Variants in CEACAM3 observed in about 807,000 individuals in gnomAD.
CEACAM3 encodes the protein cell adhesion molecule CEACAM3.
CEACAM3 carries 32 observed loss-of-function variants against 30.1 expected under a neutral mutation model. The ratio of observed to expected loss-of-function variants is 1.06; its 90% CI spans 0.80 to 1.43. The LOEUF is 1.43. CEACAM3 is among the 40% of genes most tolerant of loss of function. The pLI, the probability that CEACAM3 is intolerant of heterozygous loss-of-function variation, is 0.00. For synonymous variants in CEACAM3, 134 were observed against 127.2 expected (o/e 1.05, Z -0.36); for missense variants, 290 against 316.3 (o/e 0.92, Z 0.63).
At position 41,810,007 on chromosome 19, in the gene CEACAM3, C is replaced by T. The variant is rs1555827350; in HGVS notation, c.585C>T (p.Ala195=). 4 of 1,613,952 alleles carry T rather than the reference C, an allele frequency of 2.5e-6. No homozygotes were observed. Among genetic ancestry groups the T allele is most frequent in the Admixed American group, 1.7e-5 (1 of 60,012 alleles). Residue 195 remains alanine (A), a synonymous_variant, in exon 4 of 7, where the codon GCC becomes GCT. Transcript: ENST00000357396. The part of the protein sequence containing the change: ...QRDLKEQQPQ[A]LAPGRGPSHS... ...ACCTCAAGGAGCAGCAGCCCCAAGC[C>T]CTTGCCCCTGGTGAGTGTCCTCTCA...
chr19:41,811,276 C>G lies in CEACAM3; in HGVS notation c.*39C>G. ...CTGCTCCTGTGTGTTGATGGAGAGT[C>G]CCCAAGGCCCCCAGCCCTGGGGATG... On this transcript the variant is annotated 3_prime_UTR_variant, in exon 7 of 7. Coordinates refer to ENST00000357396, the MANE Select transcript of CEACAM3 (RefSeq NM_001815.5). 1 of 1,550,554 alleles carries G rather than the reference C, an allele frequency of 6.4e-7. No homozygotes were observed. The highest frequency in any genetic ancestry group is 8.9e-7 in the Non-Finnish European group (1 of 1,124,152).
intron 2 of CEACAM3, among the ~76,000 whole-genome samples, chr19:41,807,976 A>T (rs182797070): frequency 6.6e-6 from 1 of 152,214 alleles, no homozygotes; most frequent in Non-Finnish European, 1.5e-5. Context: ...TGCCTCGCCC[A>T]TAACTCAGCC....
chr19:41,811,542 A>C lies in CEACAM3; in HGVS notation c.*305A>C. ...CTTGGAAAGGATCTGAATAAAGGGG[A>C]CCCTTCCTCTCATTAGCTGTTTTTC... On this transcript the variant is annotated 3_prime_UTR_variant, in exon 7 of 7. Coordinates refer to ENST00000357396, the MANE Select transcript of CEACAM3 (RefSeq NM_001815.5). 2.9e-6 allele frequency: 1 copy of C among 349,760 alleles called. No homozygotes were observed. The highest frequency in any genetic ancestry group is 5.4e-6 in the Non-Finnish European group (1 of 186,102). 21.7% of individuals were successfully genotyped at this position (349,760 alleles called of 1,614,324 possible).
intron 2 of CEACAM3, among the ~76,000 whole-genome samples, chr19:41,803,509 C>A (rs1279973197): frequency 6.9e-6 from 1 of 145,688 alleles, no homozygotes; most frequent in African/African-American, 2.5e-5. Flanking sequence ...CTCTGTACCC[C>A]AGGCTGGAGT....
chr19:41,810,144 A>G, intron 4 of CEACAM3, 127 bp downstream of exon 4: 3 of 1,301,258 alleles, frequency 2.3e-6, no homozygotes, highest in Non-Finnish European at 3.3e-6. Flanking sequence ...ATCTCATAAA[A>G]CATCACACAG....
chr19:41,800,310 G>A (rs527662471), intron 2 of CEACAM3, among the ~76,000 whole-genome samples: 1 of 152,314 alleles, frequency 6.6e-6, no homozygotes, highest in African/African-American at 2.4e-5. Flanking sequence ...TGGTCTAGCG[G>A]TGACACTAGC....
chr19:41,804,160 A>G (rs1447099888), intron 2 of CEACAM3, among the ~76,000 whole-genome samples: 1 of 152,112 alleles, frequency 6.6e-6, no homozygotes, highest in Non-Finnish European at 1.5e-5. Flanking sequence ...TGACAATGGC[A>G]TATTTTATAT....
intron 2 of CEACAM3, among the ~76,000 whole-genome samples, chr19:41,800,429 C>T (rs1033771852): frequency 6.6e-6 from 1 of 151,922 alleles, no homozygotes; most frequent in African/African-American, 2.4e-5. Flanking sequence ...TCCCTTTCCC[C>T]GGGAGAGTTT....
At chr19:41,804,347 C>T (rs1318211549) in intron 2 of CEACAM3, among the ~76,000 whole-genome samples, 2 of 152,012 alleles carry the variant, frequency 1.3e-5, no homozygotes, top group African/African-American at 2.4e-5. Context: ...CACCAGCCAC[C>T]GGCATCTCAC....
intron 2 of CEACAM3, among the ~76,000 whole-genome samples, chr19:41,802,718 T>C (rs2073162113): frequency 6.6e-6 from 1 of 152,164 alleles, no homozygotes; most frequent in African/African-American, 2.4e-5. Context: ...AAGGAATTAT[T>C]TGGAAAGATC....
At chr19:41,810,465 A>C in intron 5 of CEACAM3, 111 bp downstream of exon 5, 13 of 1,222,876 alleles carry the variant, frequency 1.1e-5, no homozygotes, top group African/African-American at 1.5e-5. Context: ...CCCCCAAAAC[A>C]CACAGGACAA....
At position 41,811,437 on chromosome 19, in the gene CEACAM3, T is replaced by A; in HGVS notation, c.*200T>A. 1 of 586,568 alleles carries A rather than the reference T, an allele frequency of 1.7e-6. No homozygotes were observed. The highest frequency in any genetic ancestry group is 3.0e-6 in the Non-Finnish European group (1 of 328,092). The allele number at this position is 586,568 out of a possible 1,614,324, so 36.3% of individuals were successfully genotyped here. On this transcript the variant is annotated 3_prime_UTR_variant, in exon 7 of 7. Coordinates refer to ENST00000357396, the MANE Select transcript of CEACAM3 (RefSeq NM_001815.5). The stretch of plus-strand genomic sequence containing the variant: ...CAGCCTGCCCTAGGCCCTGGGTGGG[T>A]CAGGACAAAGGCCTCTCATCACCGC...
chr19:41,803,426 ATGTG>A (rs1164324050), intron 2 of CEACAM3, among the ~76,000 whole-genome samples: 118 of 128,986 alleles, frequency 9.1e-4, no homozygotes, highest in South Asian at 1.6e-3. Flanking sequence ...TTGTGTGTGT[ATGTG>A]TGTGTGTGTG....
chr19:41,808,847 C>G lies in CEACAM3; in HGVS notation c.459C>G (p.Val153=). The change falls in exon 3 of 7, where the codon GTC becomes GTG. Residue 153 remains valine, a synonymous_variant. Transcript: ENST00000357396. ...CCCCAGGCCTTCCTGTGGGGGCCGT[C>G]GCCGGCATCGTGACCGGGGTCCTGG... The part of the protein sequence containing the change: ...ENAPGLPVGA[V]AGIVTGVLVG... 6.2e-7 allele frequency: 1 copy of G among 1,611,806 alleles called. No individual in the cohort carries two copies.
rs782682833 is a variant in CEACAM3 at position 41,809,947 on chromosome 19, G to T, written c.543-18G>T. 1.2e-6 allele frequency: 2 copies of T among 1,613,588 alleles called. No homozygotes were observed. The highest frequency in any genetic ancestry group is 8.5e-7 in the Non-Finnish European group (1 of 1,179,696). The stretch of plus-strand genomic sequence containing the variant: ...CTTTTAACCTGGCACCCTCCCAAAT[G>T]ACCCTGACCTTTCCTAGAACCAGCA... On this transcript the variant is annotated intron_variant, in intron 3 of 6. Coordinates refer to ENST00000357396, the MANE Select transcript of CEACAM3 (RefSeq NM_001815.5).
rs782553313 is a variant in CEACAM3, at chr19:41,797,648, C to T, written c.124C>T (p.Pro42Ser). Residue 42 changes from proline (P) to serine (S), a missense_variant, in exon 2 of 7, where the codon CCG becomes TCG. By Grantham distance (74) the Pro-to-Ser change is moderately conservative. Transcript: ENST00000357396. Reference sequence around the variant, plus strand: ...TGCCAAGCTCACTATTGAATCCATGCCGCTCAGTGTCGCAGAGGGGAAGGA... The same window carrying T: ...TGCCAAGCTCACTATTGAATCCATGTCGCTCAGTGTCGCAGAGGGGAAGGA... The part of the protein sequence containing the change: ...TTAKLTIESM[P>S]LSVAEGKEVL... 2.5e-6 allele frequency: 4 copies of T among 1,614,004 alleles called. No homozygotes were observed. In the African/African-American group the frequency reaches 5.3e-5, roughly 22 times the overall value.
rs377282292 is a variant in CEACAM3, at chr19:41,798,452, C to T, written c.424+504C>T. 5.3e-5 allele frequency among the ~76,000 whole-genome samples: 8 copies of T among 152,324 alleles called. No individual in the cohort carries two copies. In the South Asian group the frequency reaches 1.7e-3, roughly 32 times the overall value. The stretch of plus-strand genomic sequence containing the variant: ...AGGGCTGACTGGGAGCAAGAATTTA[C>T]CAGCTGTCTGAGGGTCGTGGCTCCT... On this transcript the variant is annotated intron_variant, in intron 2 of 6. Transcript: ENST00000357396.
Position 41,810,332 on chromosome 19 carries a change from C to T in CEACAM3, c.605C>T (p.Pro202Leu), listed in dbSNP as rs1214752442. 5 of 1,604,938 alleles carry T rather than the reference C, an allele frequency of 3.1e-6. No homozygotes were observed. The highest frequency in any genetic ancestry group is 4.3e-6 in the Non-Finnish European group (5 of 1,176,396). ...QPQALAPGRGPSHSSAFSMSP... is the reference protein window; with the variant it reads ...QPQALAPGRGLSHSSAFSMSP... Reference sequence around the variant, plus strand: ...CTGTCTCTGTTTCCAGGCCGTGGTCCCTCCCACAGCTCTGCCTTCTCGGTA... The same window carrying T: ...CTGTCTCTGTTTCCAGGCCGTGGTCTCTCCCACAGCTCTGCCTTCTCGGTA... Residue 202 changes from proline to leucine, a missense_variant, in exon 5 of 7, where the codon CCC becomes CTC. Coordinates refer to ENST00000357396, the MANE Select transcript of CEACAM3 (RefSeq NM_001815.5).
intron 2 of CEACAM3, among the ~76,000 whole-genome samples, chr19:41,803,058 A>G (rs1037964204): frequency 8.8e-6 from 1 of 114,120 alleles, no homozygotes; most frequent in African/African-American, 2.5e-5. Flanking sequence ...AAGACAGACT[A>G]AGGCAAAAAC....
Sources: gnomAD v4.1 joint callset for allele counts (sites outside exome capture counted in the v4.1 genomes callset) on GRCh38, gnomAD v4.1.1 for gene constraint, MANE v1.5 for transcripts, NCBI Gene and HGNC (gene_info 2026-07-23, HGNC 2026-07-21) for gene names.